The following ANKRD18A variants were observed in gnomAD, a reference collection of about 807,000 sequenced individuals.
ANKRD18A encodes the protein ankyrin repeat domain 18A.
In ANKRD18A, 72 loss-of-function variants were observed where a neutral mutation model predicts 110.6. The observed-to-expected ratio is 0.65, with a 90% CI of 0.54 to 0.79. The LOEUF (loss-of-function observed/expected upper bound fraction) is 0.79, where lower values mean the gene tolerates loss of function less well. Ranked by LOEUF, ANKRD18A falls within the 30% of genes least tolerant of loss-of-function variation. The pLI, the probability that ANKRD18A is intolerant of heterozygous loss-of-function variation, is 0.00. For missense variants in ANKRD18A, 934 were observed against 1,163.3 expected, an observed-to-expected ratio of 0.80 and a Z score of 2.87; for synonymous variants, 305 against 410.3, an observed-to-expected ratio of 0.74 and a Z score of 3.10.
chr9:38,588,274 G>A (rs1337145367), intron 11 of ANKRD18A, among the ~76,000 whole-genome samples: 3 of 151,914 alleles, frequency 2.0e-5, no homozygotes, highest in Admixed American at 1.3e-4. Flanking sequence ...ATGACACATG[G>A]TCTCATCCAG....
intron 12 of ANKRD18A, among the ~76,000 whole-genome samples, chr9:38,584,411 G>A (rs539579855): frequency 2.4e-4 from 37 of 152,326 alleles, no homozygotes; most frequent in Middle Eastern, 3.4e-3. Context: ...GGGAAAACTA[G>A]TGAAGATAGC....
chr9:38,608,443 C>T (rs1226712117), intron 5 of ANKRD18A, among the ~76,000 whole-genome samples: 4 of 151,228 alleles, frequency 2.6e-5, no homozygotes, highest in South Asian at 4.2e-4. Context: ...TGTAACATCC[C>T]GTGTGCTACT....
intron 5 of ANKRD18A, 66 bp downstream of exon 5, chr9:38,610,207 T>A: frequency 2.1e-6 from 3 of 1,450,866 alleles, no homozygotes; most frequent in Non-Finnish European, 2.7e-6. Context: ...ATGTATAAGA[T>A]GCAATAGTTA....
intron 11 of ANKRD18A, among the ~76,000 whole-genome samples, chr9:38,586,929 T>C (rs766151981): frequency 1.3e-5 from 2 of 152,172 alleles, no homozygotes; most frequent in Non-Finnish European, 1.5e-5. Flanking sequence ...TGAAATAACG[T>C]ATTAGTAAAT....
chr9:38,608,845 G>T (rs911838435), intron 5 of ANKRD18A, among the ~76,000 whole-genome samples: 2 of 151,688 alleles, frequency 1.3e-5, no homozygotes, highest in African/African-American at 4.8e-5. Context: ...CTCTATTGAA[G>T]GATAATGTAC....
At chr9:38,620,057 C>T in intron 1 of ANKRD18A, 23 bp downstream of exon 1, 1 of 1,548,718 alleles carries the variant, frequency 6.5e-7, no homozygotes, top group Non-Finnish European at 8.7e-7. Context: ...CCCCTCCCAC[C>T]GCGGGCTGAG....
At chr9:38,605,213 A>G (rs1473271964) in intron 6 of ANKRD18A, among the ~76,000 whole-genome samples, 1 of 152,246 alleles carries the variant, frequency 6.6e-6, no homozygotes, top group African/African-American at 2.4e-5. Flanking sequence ...TATTTTTTAA[A>G]TGTATTTTGT....
At chr9:38,603,324 C>G in intron 6 of ANKRD18A, 112 bp from the exon 7 acceptor site, 5 of 1,456,490 alleles carry the variant, frequency 3.4e-6, no homozygotes, top group Non-Finnish European at 4.6e-6. Context: ...TCCTACCCAT[C>G]TTTTTTAGAA....
Position 38,581,730 on chromosome 9 carries a change from C to T in ANKRD18A, c.2248-3582G>A, listed in dbSNP as rs7871002. ...AGACCATCCCATCTCTGTATTATACCGCAATGCTTCTCTATAGCACACAAC... is the reference window on the plus strand; with the variant it reads ...AGACCATCCCATCTCTGTATTATACTGCAATGCTTCTCTATAGCACACAAC... On this transcript the variant is annotated intron_variant, in intron 12 of 15. Transcript: ENST00000399703. Among the ~76,000 whole-genome samples, 1,193 of 152,176 alleles carry T rather than the reference C, an allele frequency of 7.8e-3. 12 individuals are homozygous for T. The highest frequency in any genetic ancestry group is 0.027 in the African/African-American group (1,111 of 41,520).
chr9:38,589,936 T>A (rs917108982), intron 10 of ANKRD18A, among the ~76,000 whole-genome samples: 1 of 152,234 alleles, frequency 6.6e-6, no homozygotes, highest in African/African-American at 2.4e-5. Flanking sequence ...TGAGGCCTCT[T>A]CCCTCTAGTA....
At chr9:38,597,294 A>G (rs1824927392) in intron 8 of ANKRD18A, among the ~76,000 whole-genome samples, 1 of 152,014 alleles carries the variant, frequency 6.6e-6, no homozygotes, top group Admixed American at 6.6e-5. Context: ...TTATTTTTTC[A>G]TTTGGTTCCT....
chr9:38,605,905 C>T (rs941228413), intron 6 of ANKRD18A, among the ~76,000 whole-genome samples: 2 of 152,028 alleles, frequency 1.3e-5, no homozygotes, highest in South Asian at 4.1e-4. Context: ...GCCACCACGC[C>T]CAGCCTGGTA....
intron 8 of ANKRD18A, among the ~76,000 whole-genome samples, chr9:38,598,796 G>A (rs1824997158): frequency 6.6e-6 from 1 of 152,222 alleles, no homozygotes; most frequent in Non-Finnish European, 1.5e-5. Flanking sequence ...CATATGGCTT[G>A]TGGAACAAGC....
chr9:38,618,724 T>C (rs1242828855), intron 1 of ANKRD18A, among the ~76,000 whole-genome samples: 1 of 152,096 alleles, frequency 6.6e-6, no homozygotes, highest in Non-Finnish European at 1.5e-5. Context: ...TGAGAAACAC[T>C]AAGGATTTTT....
intron 6 of ANKRD18A, among the ~76,000 whole-genome samples, chr9:38,605,530 C>T (rs1262387467): frequency 2.0e-5 from 3 of 152,034 alleles, no homozygotes; most frequent in South Asian, 2.1e-4. Flanking sequence ...TATTGTGAAC[C>T]ATTTTTATAA....
rs773210754 is a variant in ANKRD18A, at chr9:38,577,967, T to C, written c.2429A>G (p.Glu810Gly). The change falls in exon 13 of 16, where the codon GAA becomes GGA. Residue 810 changes from glutamate (E) to glycine (G), a missense_variant. Physicochemically the swap from Glu to Gly is moderately conservative, Grantham distance 98. This residue lies in a region of ANKRD18A where 223 missense variants were observed against 226.7 expected (regional missense o/e 0.98). Coordinates refer to ENST00000399703, the MANE Select transcript of ANKRD18A (RefSeq NM_147195.4). ...EEVLNLKTHM[E>G]KDMVELGKLQ... is the part of the protein sequence containing the mutation. ...TTTACCAAGTTCTACCATATCTTTT[T>C]CCATATGTGTCTTAAGATTTAATAC... The C allele has an allele frequency of 3.8e-6, 6 of 1,580,060 alleles. No individual in the cohort carries two copies. The highest frequency in any genetic ancestry group is 2.3e-5 in the South Asian group (2 of 87,444).
chr9:38,601,460 A>G (rs1340559332), intron 7 of ANKRD18A, among the ~76,000 whole-genome samples: 2 of 152,170 alleles, frequency 1.3e-5, no homozygotes, highest in African/African-American at 2.4e-5. Flanking sequence ...CACCCAATAT[A>G]AAAAAACAAA....
chr9:38,586,573 T>C (rs1251846033), intron 11 of ANKRD18A, among the ~76,000 whole-genome samples: 2 of 152,110 alleles, frequency 1.3e-5, no homozygotes, highest in African/African-American at 4.8e-5. Context: ...TTGTTTGTTT[T>C]TGTTTTTTGA....
rs568920544 is a variant in ANKRD18A, at chr9:38,610,090, C to T, written c.740+183G>A. On this transcript the variant is annotated intron_variant, in intron 5 of 15. Coordinates refer to ENST00000399703, the MANE Select transcript of ANKRD18A (RefSeq NM_147195.4). ...AAAAGTCCGGAAAGAATCTTGCACT[C>T]ATTGCTACTTCTAACTAGTCTAGCT... is the stretch of plus-strand genomic sequence containing the variant. Among the ~76,000 whole-genome samples the T allele has an allele frequency of 2.2e-4, 33 of 152,324 alleles. 1 individual carries two copies. Among genetic ancestry groups the T allele is most frequent in the African/African-American group, 7.7e-4 (32 of 41,578 alleles).
Sources: allele counts gnomAD v4.1 joint callset (sites outside exome capture counted in the v4.1 genomes callset), GRCh38; gene constraint gnomAD v4.1.1; regional missense constraint gnomAD v4.1.1; transcripts MANE v1.5; gene names NCBI Gene and HGNC (gene_info 2026-07-23, HGNC 2026-07-21).